MTHFD2L: variants seen among roughly 807,000 people sequenced by gnomAD.
The protein encoded by MTHFD2L is bifunctional methylenetetrahydrofolate dehydrogenase/cyclohydrolase 2, mitochondrial.
In MTHFD2L, 29 loss-of-function variants were observed where a neutral mutation model predicts 34.9. The ratio of observed to expected loss-of-function variants is 0.83; its 90% CI spans 0.62 to 1.13. MTHFD2L has a LOEUF of 1.13. Ranked by LOEUF, MTHFD2L falls within the 50% of genes most tolerant of loss-of-function variation. The probability of loss-of-function intolerance (pLI) is 0.00; values close to 1 mark genes in which losing one functional copy is unlikely to be tolerated. For synonymous variants in MTHFD2L, 167 were observed against 155.7 expected (o/e 1.07, Z -0.54); for missense variants, 481 against 446.5 (o/e 1.08, Z -0.70).
At chr4:74,126,030 T>C (rs1722043727) in intron 1 of MTHFD2L, among the ~76,000 whole-genome samples, 1 of 152,176 alleles carries the variant, frequency 6.6e-6, no homozygotes, top group Non-Finnish European at 1.5e-5. Flanking sequence ...TTTCTCTGGT[T>C]ACCAGCGTCC....
intron 5 of MTHFD2L, among the ~76,000 whole-genome samples, chr4:74,212,475 T>G (rs1736494401): frequency 6.6e-6 from 1 of 152,158 alleles, no homozygotes; most frequent in Non-Finnish European, 1.5e-5. Flanking sequence ...CAGGAGCAGA[T>G]TGTTCAGTTT....
At chr4:74,289,127 AT>A (rs1748561841) in intron 7 of MTHFD2L, among the ~76,000 whole-genome samples, 1 of 152,220 alleles carries the variant, frequency 6.6e-6, no homozygotes. Context: ...AGTAGCTTCC[AT>A]TTTGGTTATA....
At chr4:74,156,338 T>G (rs548170214), upstream of MTHFD2L, among the ~76,000 whole-genome samples, 127 of 152,322 alleles carry the variant, frequency 8.3e-4, 1 homozygote, top group Non-Finnish European at 1.4e-3. Flanking sequence ...ATGCAGTATG[T>G]AGCCTTTTCA....
intron 7 of MTHFD2L, among the ~76,000 whole-genome samples, chr4:74,297,537 T>C (rs1333015061): frequency 6.6e-6 from 1 of 151,938 alleles, no homozygotes; most frequent in Admixed American, 6.6e-5. Context: ...TACTATCATA[T>C]AATGCTTCTG....
chr4:74,191,872 AAGG>A (rs1436757681), intron 3 of MTHFD2L, among the ~76,000 whole-genome samples: 1 of 152,070 alleles, frequency 6.6e-6, no homozygotes, highest in East Asian at 1.9e-4. Context: ...GTATTTTTAA[AAGG>A]AGGATGTTAG....
intron 7 of MTHFD2L, among the ~76,000 whole-genome samples, chr4:74,284,374 A>G (rs972752099): frequency 5.3e-5 from 8 of 152,186 alleles, no homozygotes; most frequent in African/African-American, 1.9e-4. Flanking sequence ...TGCTCCTTCT[A>G]ACTGGTGTGA....
intron 6 of MTHFD2L, among the ~76,000 whole-genome samples, chr4:74,236,338 G>C (rs915899403): frequency 6.6e-6 from 1 of 152,162 alleles, no homozygotes; most frequent in Non-Finnish European, 1.5e-5. Context: ...CTTATGGCTT[G>C]ATTTTTTGAT....
intron 6 of MTHFD2L, among the ~76,000 whole-genome samples, chr4:74,280,642 T>TAAA (rs796397075): frequency 2.8e-5 from 4 of 144,962 alleles, no homozygotes; most frequent in African/African-American, 1.0e-4. Context: ...TTTTTTTTTT[T>TAAA]AAAAAACTGG....
chr4:74,217,183 C>CT (rs902975981), intron 5 of MTHFD2L, among the ~76,000 whole-genome samples: 2 of 151,776 alleles, frequency 1.3e-5, no homozygotes, highest in African/African-American at 2.4e-5. Flanking sequence ...TCCTGAAATG[C>CT]TTTTTTTCCT....
At chr4:74,249,276 C>G (rs541630472) in intron 6 of MTHFD2L, among the ~76,000 whole-genome samples, 4 of 151,482 alleles carry the variant, frequency 2.6e-5, no homozygotes, top group Non-Finnish European at 4.4e-5. Flanking sequence ...GGTTTAAAGT[C>G]TGTTTTATCA....
chr4:74,205,930 A>G (rs1361683295), intron 5 of MTHFD2L, among the ~76,000 whole-genome samples: 1 of 152,164 alleles, frequency 6.6e-6, no homozygotes, highest in Admixed American at 6.5e-5. Context: ...TAAACATTCT[A>G]TATGCTTCTC....
At chr4:74,254,084 A>G (rs1743673007) in intron 6 of MTHFD2L, among the ~76,000 whole-genome samples, 1 of 152,186 alleles carries the variant, frequency 6.6e-6, no homozygotes, top group South Asian at 2.1e-4. Context: ...GCATTTGGGG[A>G]CGTCTAGAAG....
intron 6 of MTHFD2L, among the ~76,000 whole-genome samples, chr4:74,248,333 G>A (rs1338620236): frequency 6.6e-6 from 1 of 152,156 alleles, no homozygotes; most frequent in East Asian, 1.9e-4. Flanking sequence ...GATATCCCCT[G>A]TATCATTTTT....
At chr4:74,203,902 T>C (rs945725014) in intron 5 of MTHFD2L, among the ~76,000 whole-genome samples, 5 of 152,172 alleles carry the variant, frequency 3.3e-5, no homozygotes, top group African/African-American at 9.7e-5. Flanking sequence ...TTGCAGTTTT[T>C]TTTTTTTTCA....
At chr4:74,132,957 A>T (rs1466376180) in intron 1 of MTHFD2L, among the ~76,000 whole-genome samples, 1 of 152,160 alleles carries the variant, frequency 6.6e-6, no homozygotes, top group Non-Finnish European at 1.5e-5. Flanking sequence ...TTGTGTTCAT[A>T]CTTAATTTTA....
intron 5 of MTHFD2L, among the ~76,000 whole-genome samples, chr4:74,218,410 A>G (rs898557666): frequency 6.6e-6 from 1 of 152,162 alleles, no homozygotes; most frequent in Non-Finnish European, 1.5e-5. Flanking sequence ...TTACTCAGCA[A>G]ATAACTATTT....
intron 6 of MTHFD2L, among the ~76,000 whole-genome samples, chr4:74,239,602 A>G (rs1741400889): frequency 6.6e-6 from 1 of 152,144 alleles, no homozygotes; most frequent in Non-Finnish European, 1.5e-5. Flanking sequence ...TTTGTTACAA[A>G]ATGTGAGAAT....
chr4:74,263,940 A>C (rs934157675), intron 6 of MTHFD2L, among the ~76,000 whole-genome samples: 3 of 152,052 alleles, frequency 2.0e-5, no homozygotes, highest in Admixed American at 2.0e-4. Flanking sequence ...ATATTAGCAA[A>C]CTAAAACAAA....
intron 6 of MTHFD2L, among the ~76,000 whole-genome samples, chr4:74,244,517 TG>T (rs1742147833): frequency 6.6e-6 from 1 of 152,142 alleles, no homozygotes; most frequent in Non-Finnish European, 1.5e-5. Flanking sequence ...AATACTTATA[TG>T]TTTTTTTCTC....
Sources: allele counts gnomAD v4.1 joint callset (sites outside exome capture counted in the v4.1 genomes callset), GRCh38; gene constraint gnomAD v4.1.1; transcripts MANE v1.5; gene names NCBI Gene and HGNC (gene_info 2026-07-23, HGNC 2026-07-21).